TRMT11: variants seen among roughly 807,000 people sequenced by gnomAD.
TRMT11 encodes tRNA (guanine(10)-N(2))-methyltransferase TRMT11.
TRMT11 carries 53 observed loss-of-function variants against 62.8 expected under a neutral mutation model. The ratio of observed to expected loss-of-function variants is 0.84; its 90% CI spans 0.68 to 1.06. The LOEUF (loss-of-function observed/expected upper bound fraction) is 1.06. TRMT11 is among the 50% of genes least tolerant of loss of function. The pLI is 0.00. For synonymous variants in TRMT11, 188 were observed against 190.3 expected, an observed-to-expected ratio of 0.99 and a Z score of 0.10; for missense variants, 556 against 553.4, an observed-to-expected ratio of 1.00 and a Z score of -0.05.
the TRMT11 span, among the ~76,000 whole-genome samples, chr6:126,245,071 G>A: frequency 6.6e-6 from 1 of 152,156 alleles, no homozygotes; most frequent in Non-Finnish European, 1.5e-5. Flanking sequence ...TTTCCAATCT[G>A]AGAAAATCCC....
intron 3 of TRMT11, among the ~76,000 whole-genome samples, chr6:126,200,892 C>T (rs898311842): frequency 6.6e-6 from 1 of 152,188 alleles, no homozygotes; most frequent in Non-Finnish European, 1.5e-5. Context: ...CATCATTGGC[C>T]TGTCCTGATT....
chr6:126,122,163 T>C (rs1777657535), intron 21 of TRMT11, among the ~76,000 whole-genome samples: 1 of 152,198 alleles, frequency 6.6e-6, no homozygotes, highest in Middle Eastern at 3.4e-3. Context: ...TCTGCCATGA[T>C]TGTGAGGCCT....
intron 1 of TRMT11, among the ~76,000 whole-genome samples, chr6:126,181,342 T>A (rs1271321670): frequency 1.3e-5 from 2 of 152,210 alleles, no homozygotes; most frequent in Non-Finnish European, 2.9e-5. Flanking sequence ...ACCCTAATAG[T>A]TGGAAGTGCA....
At chr6:126,250,554 C>T in the TRMT11 span, among the ~76,000 whole-genome samples, 1 of 152,094 alleles carries the variant, frequency 6.6e-6, no homozygotes, top group Non-Finnish European at 1.5e-5. Flanking sequence ...TATCTTTGTT[C>T]TCCTTTTCAT....
the TRMT11 span, among the ~76,000 whole-genome samples, chr6:126,218,453 A>T: frequency 6.6e-6 from 1 of 152,136 alleles, no homozygotes; most frequent in Admixed American, 6.5e-5. Flanking sequence ...TCCTGTCAGG[A>T]CTGGGTCCTT....
At chr6:126,037,675 TG>T in intron 12 of TRMT11, among the ~76,000 whole-genome samples, 1 of 152,110 alleles carries the variant, frequency 6.6e-6, no homozygotes, top group Non-Finnish European at 1.5e-5. Flanking sequence ...TAAACAAATG[TG>T]CCAACATTAT....
chr6:125,994,525 T>A (rs1791151259), intron 2 of TRMT11, among the ~76,000 whole-genome samples: 1 of 152,206 alleles, frequency 6.6e-6, no homozygotes, highest in South Asian at 2.1e-4. Flanking sequence ...AAAGTAATAC[T>A]AAGATGAAAA....
intron 21 of TRMT11, among the ~76,000 whole-genome samples, chr6:126,168,617 C>T (rs1778295044): frequency 6.6e-6 from 1 of 152,200 alleles, no homozygotes; most frequent in Admixed American, 6.5e-5. Context: ...CTCCTGGGTT[C>T]AAGCGATTCT....
At chr6:126,021,112 T>C (rs200429113) in intron 11 of TRMT11, 48 bp from the exon 12 acceptor site, 257 of 1,606,856 alleles carry the variant, frequency 1.6e-4, no homozygotes, top group Non-Finnish European at 6.7e-5. Context: ...TGATTCTTTG[T>C]GGCCCACACA....
At chr6:126,072,380 T>C (rs900428193) in intron 17 of TRMT11, among the ~76,000 whole-genome samples, 3 of 152,184 alleles carry the variant, frequency 2.0e-5, no homozygotes, top group Non-Finnish European at 4.4e-5. Context: ...AACACTTGTA[T>C]TATGAAAGGA....
the TRMT11 span, among the ~76,000 whole-genome samples, chr6:126,232,734 T>C: frequency 6.6e-6 from 1 of 152,194 alleles, no homozygotes; most frequent in African/African-American, 2.4e-5. Context: ...TTTGTGTTAG[T>C]GGACATTCGA....
At chr6:126,120,887 C>G (rs1216242661) in intron 21 of TRMT11, among the ~76,000 whole-genome samples, 1 of 152,108 alleles carries the variant, frequency 6.6e-6, no homozygotes, top group Non-Finnish European at 1.5e-5. Context: ...AACTTCTTCC[C>G]TAAGTTTGGT....
At chr6:126,270,725 CA>C in the TRMT11 span, among the ~76,000 whole-genome samples, 1 of 152,030 alleles carries the variant, frequency 6.6e-6, no homozygotes, top group African/African-American at 2.4e-5. Context: ...ATTTTTTAAA[CA>C]TTTCTGTAGG....
intron 17 of TRMT11, among the ~76,000 whole-genome samples, chr6:126,098,552 T>A (rs912498142): frequency 2.2e-4 from 34 of 152,308 alleles, no homozygotes; most frequent in African/African-American, 8.2e-4. Flanking sequence ...GTACAACCTG[T>A]TTGCATCCTC....
chr6:126,225,904 A>G, the TRMT11 span, among the ~76,000 whole-genome samples: 57 of 151,606 alleles, frequency 3.8e-4, no homozygotes, highest in Non-Finnish European at 1.9e-4. Context: ...TAGCCAGAGT[A>G]CTCACGAACT....
intron 1 of TRMT11, among the ~76,000 whole-genome samples, chr6:125,993,276 A>G (rs1790923967): frequency 6.6e-6 from 1 of 152,222 alleles, no homozygotes; most frequent in Non-Finnish European, 1.5e-5. Flanking sequence ...TGATGCTTTT[A>G]AAGTATCTAT....
At chr6:126,069,281 C>A (rs927071731) in intron 17 of TRMT11, among the ~76,000 whole-genome samples, 1 of 152,224 alleles carries the variant, frequency 6.6e-6, no homozygotes, top group Non-Finnish European at 1.5e-5. Flanking sequence ...AAAGGAAATT[C>A]TTTTGGCTCT....
At chr6:126,074,645 T>C (rs1776959624) in intron 17 of TRMT11, among the ~76,000 whole-genome samples, 1 of 152,178 alleles carries the variant, frequency 6.6e-6, no homozygotes, top group Admixed American at 6.5e-5. Flanking sequence ...CTTTTTTTCT[T>C]AAGAATTTTT....
intron 17 of TRMT11, among the ~76,000 whole-genome samples, chr6:126,074,832 A>T (rs1200820254): frequency 6.6e-6 from 1 of 152,180 alleles, no homozygotes; most frequent in Non-Finnish European, 1.5e-5. Context: ...AAGAACAAAT[A>T]ATTAAACAAT....
Sources: allele counts gnomAD v4.1 joint callset (sites outside exome capture counted in the v4.1 genomes callset), GRCh38; gene constraint gnomAD v4.1.1; transcripts MANE v1.5; gene names NCBI Gene and HGNC (gene_info 2026-07-23, HGNC 2026-07-21).